Variants in SOBP observed in about 807,000 individuals in gnomAD.
SOBP encodes sine oculis-binding protein homolog.
Under a neutral mutation model 53.6 loss-of-function variants are expected in SOBP, and 4 were observed. The observed-to-expected ratio is 0.07, with a 90% CI of 0.04 to 0.17. The LOEUF (loss-of-function observed/expected upper bound fraction) is 0.17, where lower values mean the gene tolerates loss of function less well. SOBP is among the 10% of genes least tolerant of loss of function. The pLI is 1.00. For missense variants in SOBP, 1,088 were observed against 1,204.7 expected (o/e 0.90, Z 1.43); for synonymous variants, 584 against 522.6 (o/e 1.12, Z -1.60).
At chr6:107,549,265 T>G (rs1229488653) in intron 4 of SOBP, among the ~76,000 whole-genome samples, 1 of 151,310 alleles carries the variant, frequency 6.6e-6, no homozygotes, top group Non-Finnish European at 1.5e-5. Flanking sequence ...AGACTTCATC[T>G]CAAAAACAAA....
intron 4 of SOBP, among the ~76,000 whole-genome samples, chr6:107,585,016 C>T (rs1785523191): frequency 6.6e-6 from 1 of 151,952 alleles, no homozygotes; most frequent in South Asian, 2.1e-4. Context: ...AATAGTAGCC[C>T]TTGAAAATTA....
In SOBP at chr6:107,635,358, T is replaced by C; in HGVS notation, c.2514T>C (p.Ala838=). The C allele has an allele frequency of 6.2e-7, 1 of 1,613,522 alleles. No homozygotes were observed. Among genetic ancestry groups the C allele is most frequent in the Non-Finnish European group, 8.5e-7 (1 of 1,180,030 alleles). Residue 838 remains alanine, a synonymous_variant, in exon 6 of 7, where the codon GCT becomes GCC. Coordinates refer to ENST00000317357, the MANE Select transcript of SOBP (RefSeq NM_018013.4). This position sits in a 1 kb window ranked among gnomAD's most constrained non-coding sequence, Gnocchi z 4.5. Reference sequence around the variant, plus strand: ...CTGTGCCAAAACCCGCGGAGAAGGCTGCCATGGCACCGTGCATCATCTCCT... The same window carrying C: ...CTGTGCCAAAACCCGCGGAGAAGGCCGCCATGGCACCGTGCATCATCTCCT... ...IQPVPKPAEK[A]AMAPCIISSP...
chr6:107,569,459 G>A (rs749905740), intron 4 of SOBP, among the ~76,000 whole-genome samples: 2 of 152,198 alleles, frequency 1.3e-5, no homozygotes, highest in Non-Finnish European at 2.9e-5. Context: ...ATAAAGGGGG[G>A]TGAAATAAAG....
At chr6:107,569,516 G>A (rs1175221632) in intron 4 of SOBP, among the ~76,000 whole-genome samples, 1 of 152,178 alleles carries the variant, frequency 6.6e-6, no homozygotes, top group East Asian at 1.9e-4. Flanking sequence ...GTTGCAATGA[G>A]TGTGAAGCAC....
chr6:107,635,077 C>CCGG lies in SOBP; in HGVS notation c.2235_2236insGCG (p.Pro745_Pro746insAla). On this transcript the variant is annotated inframe_insertion, in exon 6 of 7. Transcript: ENST00000317357. The surrounding 1 kb of genome is among the most constrained non-coding windows in gnomAD (Gnocchi z 4.5). ...GAGCGCGGAGCCGCCTCCCGAGCAG[C>CCGG]CGCCGCCGCCGCCGCCGCCCGCGCC... 6.9e-7 allele frequency: 1 copy of CCGG among 1,447,454 alleles called. No individual in the cohort carries two copies. The highest frequency in any genetic ancestry group is 2.7e-5 in the East Asian group (1 of 36,598). The allele number at this position is 1,447,454 out of a possible 1,614,324, so 89.7% of individuals were successfully genotyped here.
chr6:107,607,790 C>CA (rs1786441875), intron 5 of SOBP, among the ~76,000 whole-genome samples: 5 of 152,192 alleles, frequency 3.3e-5, no homozygotes, highest in Admixed American at 6.5e-5. Flanking sequence ...CTAACCATAT[C>CA]AGCATTTCAT....
chr6:107,502,367 C>T lies in SOBP; in HGVS notation c.97-1290C>T, dbSNP rs369613612. On this transcript the variant is annotated intron_variant, in intron 1 of 6. Transcript: ENST00000317357. ...TTTTTCTGGCTCAGCTTAGGAAGCT[C>T]GTGGTTCCCTGCGAGACAGGAATGT... is the stretch of plus-strand genomic sequence containing the variant. Among the ~76,000 whole-genome samples the T allele has an allele frequency of 1.8e-4, 27 of 152,214 alleles. No homozygotes were observed. In the East Asian group the frequency reaches 3.5e-3, roughly 20 times the overall value.
intron 5 of SOBP, 124 bp from the exon 6 acceptor site, chr6:107,633,390 C>T: frequency 8.2e-7 from 1 of 1,214,922 alleles, no homozygotes; most frequent in Non-Finnish European, 1.2e-6. Flanking sequence ...TAGAAGGAAA[C>T]AGTTCTGCCT....
At position 107,599,432 on chromosome 6, in the gene SOBP, T is replaced by C. The variant is rs563613721; in HGVS notation, c.669+12257T>C. ...CCATCTTATGATATACAGCTTTCGGTCATATGGATTTAGCTTATTCTTTAC... is the reference window on the plus strand; with the variant it reads ...CCATCTTATGATATACAGCTTTCGGCCATATGGATTTAGCTTATTCTTTAC... On this transcript the variant is annotated intron_variant, in intron 5 of 6. Transcript: ENST00000317357. 7.9e-5 allele frequency among the ~76,000 whole-genome samples: 12 copies of C among 152,282 alleles called. No homozygotes were observed. In the East Asian group the frequency reaches 2.3e-3, roughly 29 times the overall value.
intron 3 of SOBP, among the ~76,000 whole-genome samples, chr6:107,526,579 C>T (rs1385837398): frequency 1.3e-5 from 2 of 152,156 alleles, no homozygotes; most frequent in East Asian, 3.8e-4. Flanking sequence ...CTGTCTGAAC[C>T]TCTCTCTTAC....
chr6:107,598,373 T>A (rs934410088), intron 5 of SOBP, among the ~76,000 whole-genome samples: 2 of 151,888 alleles, frequency 1.3e-5, no homozygotes, highest in African/African-American at 4.8e-5. Context: ...TTGGAAGAGA[T>A]GAAGGTTGGG....
intron 5 of SOBP, among the ~76,000 whole-genome samples, chr6:107,610,716 A>G (rs1376860688): frequency 2.6e-5 from 4 of 151,944 alleles, no homozygotes; most frequent in Non-Finnish European, 5.9e-5. Context: ...CAATAGTACC[A>G]TTTGCTCCAA....
chr6:107,518,441 T>C (rs1783384358), intron 3 of SOBP, among the ~76,000 whole-genome samples: 1 of 152,214 alleles, frequency 6.6e-6, no homozygotes, highest in Non-Finnish European at 1.5e-5. Context: ...GCAATATCTA[T>C]TAATGCTGAA....
chr6:107,644,009 T>A (rs998405265), intron 6 of SOBP, among the ~76,000 whole-genome samples: 1 of 152,250 alleles, frequency 6.6e-6, no homozygotes, highest in Non-Finnish European at 1.5e-5. Context: ...CTGAACCGTA[T>A]TGAGTCCCAC....
rs192167278 is a variant in SOBP, at chr6:107,636,819, T to C, written c.*3+1350T>C. Among the ~76,000 whole-genome samples, 24 of 152,132 alleles carry C rather than the reference T, an allele frequency of 1.6e-4. No homozygotes were observed. The East Asian group carries it at 4.1e-3, about 26-fold the overall frequency. The stretch of plus-strand genomic sequence containing the variant: ...TTGTATGCAGGCTGTCTTCTAAGTG[T>C]TTTTCGGTAGTATTTATTTGGATCT... On this transcript the variant is annotated intron_variant, in intron 6 of 6. Coordinates refer to ENST00000317357, the MANE Select transcript of SOBP (RefSeq NM_018013.4).
chr6:107,553,265 A>G (rs1160465403), intron 4 of SOBP, among the ~76,000 whole-genome samples: 1 of 151,354 alleles, frequency 6.6e-6, no homozygotes. Context: ...GGGTTCATGG[A>G]CTTTCTGAAA....
chr6:107,596,027 A>G (rs1214227112), intron 5 of SOBP, among the ~76,000 whole-genome samples: 1 of 152,182 alleles, frequency 6.6e-6, no homozygotes. Flanking sequence ...GCTACCAGGA[A>G]CTGAGACTTT....
rs1770937278 is a variant in SOBP, at chr6:107,634,861, C to CA, written c.2018dup (p.His673GlnfsTer64). 1 of 1,387,006 alleles carries CA rather than the reference C, an allele frequency of 7.2e-7. No individual in the cohort carries two copies. Among genetic ancestry groups the CA allele is most frequent in the African/African-American group, 1.5e-5 (1 of 66,252 alleles). The allele number at this position is 1,387,006 out of a possible 1,614,324, so 85.9% of individuals were successfully genotyped here. On this transcript the variant is annotated frameshift_variant, in exon 6 of 7. Transcript: ENST00000317357. LOFTEE classifies it high-confidence loss of function. This position sits in a 1 kb window ranked among gnomAD's most constrained non-coding sequence, Gnocchi z 4.5. ...GCACAACGTGATCCACCGCGCGCTG[C>CA]ACGCGCACGTCAAGGCGGAGCGCGA... is the stretch of plus-strand genomic sequence containing the variant.
chr6:107,547,595 A>G (rs952711890), intron 4 of SOBP, among the ~76,000 whole-genome samples: 1 of 152,224 alleles, frequency 6.6e-6, no homozygotes, highest in East Asian at 1.9e-4. Flanking sequence ...GTTGAGGACA[A>G]AAGAACTAAT....
Sources: allele counts gnomAD v4.1 joint callset (sites outside exome capture counted in the v4.1 genomes callset), GRCh38; gene constraint gnomAD v4.1.1; non-coding constraint Gnocchi (gnomAD v3.1); transcripts MANE v1.5; gene names NCBI Gene and HGNC (gene_info 2026-07-23, HGNC 2026-07-21).